HNF4G: variants seen among roughly 807,000 people sequenced by gnomAD.
HNF4G encodes hepatocyte nuclear factor 4-gamma.
HNF4G carries 21 observed loss-of-function variants against 50.9 expected under a neutral mutation model. The observed-to-expected ratio is 0.41, with a 90% CI of 0.29 to 0.59. The LOEUF (loss-of-function observed/expected upper bound fraction) is 0.59. Among genes scored for constraint, HNF4G ranks in the 20% least tolerant of loss-of-function variants. The pLI is 0.26. For synonymous variants in HNF4G, 198 were observed against 185.6 expected, an observed-to-expected ratio of 1.07 and a Z score of -0.54; for missense variants, 527 against 559.4, an observed-to-expected ratio of 0.94 and a Z score of 0.58.
intron 2 of HNF4G, among the ~76,000 whole-genome samples, chr8:75,531,691 A>G (rs1383944291): frequency 1.3e-5 from 2 of 152,118 alleles, no homozygotes; most frequent in African/African-American, 4.8e-5. Flanking sequence ...TAATAAAATA[A>G]TACAAATAAA....
intron 1 of HNF4G, among the ~76,000 whole-genome samples, chr8:75,484,993 G>C (rs891352299): frequency 1.7e-4 from 26 of 152,206 alleles, no homozygotes; most frequent in Non-Finnish European, 5.9e-5. Context: ...TTGTGCACAA[G>C]CTCTTAGCCG....
chr8:75,497,565 T>A (rs1812804963), intron 2 of HNF4G, among the ~76,000 whole-genome samples: 1 of 151,738 alleles, frequency 6.6e-6, no homozygotes, highest in Non-Finnish European at 1.5e-5. Context: ...GCGCCTGTAA[T>A]CCCAGCTACT....
At chr8:75,462,064 T>C (rs1811865740) in intron 1 of HNF4G, among the ~76,000 whole-genome samples, 1 of 151,746 alleles carries the variant, frequency 6.6e-6, no homozygotes, top group South Asian at 2.1e-4. Flanking sequence ...ATTACAGGCA[T>C]GCACCACCAT....
rs369219284 is a variant in HNF4G, at chr8:75,452,231, T to C, written c.-143-37858T>C. 1.5e-4 allele frequency among the ~76,000 whole-genome samples: 23 copies of C among 152,254 alleles called. 2 individuals are homozygous for C. The East Asian group carries it at 2.1e-3, about 14-fold the overall frequency. On this transcript the variant is annotated intron_variant, in intron 1 of 10. Coordinates refer to the HNF4G transcript ENST00000354370. ...AAATATTTCTAAAGAACAAAAGTTA[T>C]AATATTCATTGTTGGTATTATACCA...
chr8:75,562,590 A>G (rs560094913), intron 9 of HNF4G, among the ~76,000 whole-genome samples: 1 of 152,314 alleles, frequency 6.6e-6, no homozygotes, highest in Admixed American at 6.5e-5. Context: ...TAAACATTGT[A>G]GGAATCAACT....
At chr8:75,550,162 G>A (rs2056090) in intron 3 of HNF4G, among the ~76,000 whole-genome samples, 101,039 of 152,052 alleles carry the variant, frequency 0.66, 35,432 homozygotes, top group African/African-American at 0.9. Context: ...TTAATGCCTT[G>A]TTGCTCCAGC....
intron 1 of HNF4G, among the ~76,000 whole-genome samples, chr8:75,453,967 A>G (rs1300656103): frequency 6.6e-6 from 1 of 151,950 alleles, no homozygotes; most frequent in African/African-American, 2.4e-5. Context: ...TAGGATTAGA[A>G]TAGGTGACAC....
At chr8:75,419,997 T>C (rs1810740079) in intron 1 of HNF4G, among the ~76,000 whole-genome samples, 1 of 152,204 alleles carries the variant, frequency 6.6e-6, no homozygotes, top group African/African-American at 2.4e-5. Context: ...CACTTGGTAG[T>C]TGCTTAACCA....
intron 1 of HNF4G, among the ~76,000 whole-genome samples, chr8:75,480,288 A>G (rs958724491): frequency 3.3e-5 from 5 of 152,232 alleles, no homozygotes; most frequent in African/African-American, 1.2e-4. Context: ...TTTTAATTGT[A>G]TACGTGCATA....
chr8:75,544,003 A>G (rs370288423), intron 2 of HNF4G, 24 bp downstream of exon 2: 11 of 1,548,628 alleles, frequency 7.1e-6, no homozygotes, highest in East Asian at 2.3e-5. Context: ...CCTTTTAGGC[A>G]AGTTATCTTT....
chr8:75,417,533 A>C (rs1041248542), intron 1 of HNF4G, among the ~76,000 whole-genome samples: 1 of 152,222 alleles, frequency 6.6e-6, no homozygotes, highest in East Asian at 1.9e-4. Flanking sequence ...GTTTCTTCTG[A>C]TAATAACTTA....
intron 2 of HNF4G, among the ~76,000 whole-genome samples, chr8:75,526,769 C>CTT (rs71273896): frequency 9.0e-5 from 13 of 145,240 alleles, no homozygotes; most frequent in African/African-American, 3.3e-4. Flanking sequence ...AACAAGCATT[C>CTT]TTTTTTTTTT....
intron 1 of HNF4G, among the ~76,000 whole-genome samples, chr8:75,429,668 G>A (rs1402597381): frequency 6.6e-6 from 1 of 152,190 alleles, no homozygotes; most frequent in Admixed American, 6.5e-5. Context: ...GTGTAGTGAA[G>A]TTAAGCACAG....
upstream of HNF4G, among the ~76,000 whole-genome samples, chr8:75,535,361 T>TTA (rs1036334063): frequency 7.9e-5 from 12 of 151,602 alleles, no homozygotes; most frequent in African/African-American, 2.4e-4. Flanking sequence ...GATTTTTTTT[T>TTA]AATTGAGATC....
At chr8:75,551,352 G>C (rs1484537271) in intron 3 of HNF4G, 36 bp from the exon 4 acceptor site, 3 of 1,177,902 alleles carry the variant, frequency 2.5e-6, no homozygotes, top group South Asian at 1.2e-5. Context: ...ACACTAAAGA[G>C]AAGTGCTCAA....
intron 1 of HNF4G, among the ~76,000 whole-genome samples, chr8:75,453,227 CT>C (rs766685800): frequency 6.6e-5 from 10 of 152,200 alleles, no homozygotes; most frequent in African/African-American, 9.6e-5. Flanking sequence ...GCCAGCTGGA[CT>C]TCCTGGGTGG....
intron 6 of HNF4G, 97 bp from the exon 7 acceptor site, chr8:75,558,421 A>G: frequency 8.9e-7 from 1 of 1,122,508 alleles, no homozygotes; most frequent in Non-Finnish European, 1.3e-6. Context: ...AGGGTAGACT[A>G]TTTTAAACAC....
At chr8:75,467,468 T>G (rs1812013262) in intron 1 of HNF4G, among the ~76,000 whole-genome samples, 1 of 152,208 alleles carries the variant, frequency 6.6e-6, no homozygotes, top group Non-Finnish European at 1.5e-5. Flanking sequence ...GAGGCCATTC[T>G]GGCCAACATG....
chr8:75,415,575 G>C (rs1810614660), intron 1 of HNF4G, among the ~76,000 whole-genome samples: 1 of 152,082 alleles, frequency 6.6e-6, no homozygotes, highest in South Asian at 2.1e-4. Flanking sequence ...AACAACAATA[G>C]TTATACTAAG....
Sources: allele counts gnomAD v4.1 joint callset (sites outside exome capture counted in the v4.1 genomes callset), GRCh38; gene constraint gnomAD v4.1.1; transcripts MANE v1.5; gene names NCBI Gene and HGNC (gene_info 2026-07-23, HGNC 2026-07-21).